CACNA2D3: variants seen among roughly 807,000 people sequenced by gnomAD.
CACNA2D3 encodes calcium voltage-gated channel auxiliary subunit alpha2delta 3.
In CACNA2D3, 60 loss-of-function variants were observed where a neutral mutation model predicts 160.6. The ratio of observed to expected loss-of-function variants is 0.37; its 90% confidence interval spans 0.30 to 0.46. The LOEUF (loss-of-function observed/expected upper bound fraction) is 0.46, where lower values mean the gene tolerates loss of function less well. Among genes scored for constraint, CACNA2D3 ranks in the 20% least tolerant of loss-of-function variants. CACNA2D3 has a pLI of 1.00. For synonymous variants in CACNA2D3, 558 were observed against 492.9 expected (o/e 1.13, Z -1.75); for missense variants, 1,205 against 1,365.0 (o/e 0.88, Z 1.85).
At chr3:54,862,617 T>C (rs7644838) in intron 17 of CACNA2D3, among the ~76,000 whole-genome samples, 55,976 of 151,918 alleles carry the variant, frequency 0.37, 10,873 homozygotes, top group Admixed American at 0.52. Flanking sequence ...TTGAAGGCTC[T>C]CTCTGTTCCT....
chr3:54,180,452 G>C (rs937914486), intron 2 of CACNA2D3, among the ~76,000 whole-genome samples: 8 of 152,202 alleles, frequency 5.3e-5, no homozygotes, highest in Admixed American at 3.3e-4. Context: ...ATAGGAATCT[G>C]AGGCTCATGA....
At chr3:54,150,562 A>C (rs1006392032) in intron 2 of CACNA2D3, among the ~76,000 whole-genome samples, 1 of 152,232 alleles carries the variant, frequency 6.6e-6, no homozygotes, top group Non-Finnish European at 1.5e-5. Context: ...ATGAGGGCTC[A>C]CCAAATAACT....
intron 17 of CACNA2D3, among the ~76,000 whole-genome samples, chr3:54,851,905 C>T (rs1205079640): frequency 6.6e-6 from 1 of 152,128 alleles, no homozygotes; most frequent in African/African-American, 2.4e-5. Flanking sequence ...TCAGGCAAGC[C>T]ACATTGCAGG....
At chr3:54,586,497 ATCAAAATACACAGTT>A (rs1023636208) in intron 9 of CACNA2D3, among the ~76,000 whole-genome samples, 1 of 152,204 alleles carries the variant, frequency 6.6e-6, no homozygotes, top group African/African-American at 2.4e-5. Flanking sequence ...GTGTGTTTGG[ATCAAAATACACAGTT>A]TCAAAATACA....
chr3:54,232,554 T>C (rs988785488), intron 2 of CACNA2D3, among the ~76,000 whole-genome samples: 2 of 152,176 alleles, frequency 1.3e-5, no homozygotes, highest in South Asian at 2.1e-4. Context: ...GGTTTTTGTT[T>C]CCTTGTTTTG....
At chr3:55,072,340 C>T (rs1263407049) in intron 35 of CACNA2D3, among the ~76,000 whole-genome samples, 12 of 147,946 alleles carry the variant, frequency 8.1e-5, no homozygotes, top group Non-Finnish European at 1.8e-4. Flanking sequence ...ATGGATCATT[C>T]TCATGGATCA....
chr3:54,156,267 T>C (rs890092293), intron 2 of CACNA2D3, among the ~76,000 whole-genome samples: 1 of 152,220 alleles, frequency 6.6e-6, no homozygotes, highest in African/African-American at 2.4e-5. Flanking sequence ...AAGCCAGTTA[T>C]TGTTGTGGAC....
chr3:54,734,527 T>C (rs1005785292), intron 11 of CACNA2D3, among the ~76,000 whole-genome samples: 2 of 151,980 alleles, frequency 1.3e-5, no homozygotes, highest in African/African-American at 4.8e-5. Flanking sequence ...CTCTAAAGAG[T>C]AACTCTAAGG....
At chr3:54,519,655 T>C (rs1196476688) in intron 5 of CACNA2D3, among the ~76,000 whole-genome samples, 1 of 152,230 alleles carries the variant, frequency 6.6e-6, no homozygotes, top group Admixed American at 6.5e-5. Flanking sequence ...ATATGTAATA[T>C]ACTTTCAGCT....
intron 29 of CACNA2D3, among the ~76,000 whole-genome samples, chr3:54,974,268 A>G (rs542767750): frequency 3.0e-4 from 46 of 152,342 alleles, no homozygotes; most frequent in Non-Finnish European, 4.7e-4. Flanking sequence ...AGGACTTACT[A>G]TGCACTAGGT....
intron 5 of CACNA2D3, among the ~76,000 whole-genome samples, chr3:54,543,646 C>T (rs1442963962): frequency 6.6e-6 from 1 of 152,208 alleles, no homozygotes; most frequent in Non-Finnish European, 1.5e-5. Flanking sequence ...TGTGACAGCA[C>T]AGCTTGTGTT....
intron 2 of CACNA2D3, among the ~76,000 whole-genome samples, chr3:54,178,245 A>C (rs1416402741): frequency 6.6e-6 from 1 of 152,198 alleles, no homozygotes; most frequent in East Asian, 1.9e-4. Flanking sequence ...CTAAGATGAG[A>C]AGCTCTGCTG....
At chr3:54,838,749 TG>T in intron 16 of CACNA2D3, 101 bp downstream of exon 16, 1 of 856,138 alleles carries the variant, frequency 1.2e-6, no homozygotes, top group Non-Finnish European at 2.0e-6. Flanking sequence ...GCGATGTTTT[TG>T]CTCACCACTA....
chr3:54,834,114 G>A (rs188508351), intron 14 of CACNA2D3, among the ~76,000 whole-genome samples: 2 of 152,134 alleles, frequency 1.3e-5, no homozygotes, highest in African/African-American at 2.4e-5. Context: ...CTATATTCTG[G>A]CTTAATATTT....
chr3:54,376,903 A>G (rs1207774739), intron 3 of CACNA2D3, among the ~76,000 whole-genome samples: 1 of 152,252 alleles, frequency 6.6e-6, no homozygotes, highest in Admixed American at 6.5e-5. Flanking sequence ...GAAGGAAAGA[A>G]CAACAAGGGA....
At chr3:54,455,459 T>G (rs1700381098) in intron 4 of CACNA2D3, among the ~76,000 whole-genome samples, 1 of 152,138 alleles carries the variant, frequency 6.6e-6, no homozygotes, top group Non-Finnish European at 1.5e-5. Context: ...TTGTATGAGT[T>G]TTTTGTATAA....
chr3:54,735,146 T>A (rs534499910), intron 11 of CACNA2D3, among the ~76,000 whole-genome samples: 1 of 152,374 alleles, frequency 6.6e-6, no homozygotes, highest in South Asian at 2.1e-4. Context: ...ACACATTTCC[T>A]GGACTTCTTA....
chr3:54,670,319 C>T (rs1040489998), intron 11 of CACNA2D3, among the ~76,000 whole-genome samples: 2 of 152,174 alleles, frequency 1.3e-5, no homozygotes, highest in Non-Finnish European at 2.9e-5. Context: ...GCTGGCAAGG[C>T]GTTTCCTCCT....
intron 31 of CACNA2D3, among the ~76,000 whole-genome samples, chr3:54,988,510 A>C (rs1422905573): frequency 4.6e-5 from 7 of 152,134 alleles, no homozygotes; most frequent in African/African-American, 1.7e-4. Context: ...CCCAGGAAGA[A>C]TGTTAGCCTT....
Sources: allele counts gnomAD v4.1 joint callset (sites outside exome capture counted in the v4.1 genomes callset), GRCh38; gene constraint gnomAD v4.1.1; transcripts MANE v1.5; gene names NCBI Gene and HGNC (gene_info 2026-07-23, HGNC 2026-07-21).